The following BACH2 variants were observed in gnomAD, a reference collection of about 807,000 sequenced individuals.
BACH2 encodes transcription regulator protein BACH2.
BACH2 carries 5 observed loss-of-function variants against 61.8 expected under a neutral mutation model. That is an observed-to-expected ratio of 0.08 (90% CI 0.04 to 0.17). The LOEUF is 0.17. Ranked by LOEUF, BACH2 falls within the 10% of genes least tolerant of loss-of-function variation. BACH2 has a pLI of 1.00. For synonymous variants in BACH2, 446 were observed against 440.1 expected (o/e 1.01, Z -0.17); for missense variants, 824 against 1,091.1 (o/e 0.76, Z 3.45).
chr6:90,018,127 G>A (rs1369340387), intron 5 of BACH2, among the ~76,000 whole-genome samples: 3 of 152,204 alleles, frequency 2.0e-5, no homozygotes, highest in African/African-American at 4.8e-5. Flanking sequence ...GGTAGGAAAT[G>A]ATGTTATTCC....
chr6:90,242,804 C>G (rs1770496490), intron 3 of BACH2, among the ~76,000 whole-genome samples: 1 of 152,042 alleles, frequency 6.6e-6, no homozygotes, highest in South Asian at 2.1e-4. Context: ...CAGGTTCTAA[C>G]TAAACTTGAA....
chr6:90,062,929 A>T, intron 5 of BACH2: 1 of 985,392 alleles, frequency 1.0e-6, no homozygotes, highest in Non-Finnish European at 1.2e-6. Context: ...TGCTGATCTG[A>T]GAAGTCTCTT....
chr6:90,105,333 A>G (rs957883648), intron 4 of BACH2, among the ~76,000 whole-genome samples: 12 of 152,254 alleles, frequency 7.9e-5, no homozygotes, highest in Non-Finnish European at 1.6e-4. Flanking sequence ...GCTGCAGCCA[A>G]ATACATCAGG....
At chr6:90,138,944 G>A (rs1012963764) in intron 4 of BACH2, among the ~76,000 whole-genome samples, 1 of 152,116 alleles carries the variant, frequency 6.6e-6, no homozygotes, top group Non-Finnish European at 1.5e-5. Flanking sequence ...TTAAACCTGC[G>A]GGCCTCAAGT....
intron 4 of BACH2, among the ~76,000 whole-genome samples, chr6:90,201,426 T>C (rs1768952997): frequency 6.6e-6 from 1 of 152,228 alleles, no homozygotes; most frequent in Non-Finnish European, 1.5e-5. Flanking sequence ...CTTTGATTGC[T>C]GTTGAGGTTG....
intron 5 of BACH2, among the ~76,000 whole-genome samples, chr6:90,056,042 G>A (rs546433588): frequency 2.0e-5 from 3 of 152,266 alleles, no homozygotes; most frequent in African/African-American, 4.8e-5. Context: ...GACCATCAAG[G>A]CTAGGAAGAA....
intron 4 of BACH2, among the ~76,000 whole-genome samples, chr6:90,168,275 G>A (rs1767697107): frequency 6.6e-6 from 1 of 152,128 alleles, no homozygotes; most frequent in East Asian, 1.9e-4. Flanking sequence ...GACTGCTTGA[G>A]CCCAGGAGGC....
At position 90,073,627 on chromosome 6, in the gene BACH2, G is replaced by A. The variant is rs1000792693; in HGVS notation, c.-13+15334C>T. Among the ~76,000 whole-genome samples, 5 of 152,114 alleles carry A rather than the reference G, an allele frequency of 3.3e-5. No homozygotes were observed. In the South Asian group the frequency reaches 6.2e-4, roughly 19 times the overall value. On this transcript the variant is annotated intron_variant, in intron 5 of 8. Transcript: ENST00000257749. ...AGGTCACATTTCAAACATCAAAATC[G>A]GAACAATTTTAAGGTGCTGCCAGAC...
At chr6:90,178,181 T>G (rs1313465447) in intron 4 of BACH2, among the ~76,000 whole-genome samples, 1 of 152,212 alleles carries the variant, frequency 6.6e-6, no homozygotes, top group African/African-American at 2.4e-5. Context: ...ATGCAAAGTT[T>G]GCTGTGGCCT....
intron 5 of BACH2, among the ~76,000 whole-genome samples, chr6:90,013,222 C>T (rs546055571): frequency 2.0e-5 from 3 of 152,174 alleles, no homozygotes; most frequent in African/African-American, 7.2e-5. Flanking sequence ...GAATAAAGAT[C>T]TCTTACTTTT....
At chr6:90,267,593 T>C (rs1183578060) in intron 2 of BACH2, among the ~76,000 whole-genome samples, 1 of 152,124 alleles carries the variant, frequency 6.6e-6, no homozygotes, top group Non-Finnish European at 1.5e-5. Flanking sequence ...AGAATTTAAC[T>C]GCAGTGTTGT....
At chr6:90,268,134 G>A (rs980088101) in intron 2 of BACH2, among the ~76,000 whole-genome samples, 2 of 151,396 alleles carry the variant, frequency 1.3e-5, no homozygotes, top group South Asian at 2.1e-4. Flanking sequence ...TCAGCCTCCT[G>A]AGTAGCTGGG....
intron 5 of BACH2, among the ~76,000 whole-genome samples, chr6:90,019,918 C>T (rs908615330): frequency 2.0e-5 from 3 of 152,190 alleles, no homozygotes; most frequent in Admixed American, 1.3e-4. Context: ...TAGGCTGTGA[C>T]AGTCACATAA....
At chr6:90,171,855 T>G (rs1300557869) in intron 4 of BACH2, among the ~76,000 whole-genome samples, 2 of 152,078 alleles carry the variant, frequency 1.3e-5, no homozygotes, top group Non-Finnish European at 2.9e-5. Flanking sequence ...CAAAAATAAC[T>G]TCTAGAAATG....
At chr6:90,177,478 T>C (rs1768019432) in intron 4 of BACH2, among the ~76,000 whole-genome samples, 1 of 152,126 alleles carries the variant, frequency 6.6e-6, no homozygotes, top group Non-Finnish European at 1.5e-5. Flanking sequence ...GAAACTGAGA[T>C]TTAGGAGGTT....
Position 90,177,058 on chromosome 6 carries a change from C to A in BACH2, c.-162+29511G>T, listed in dbSNP as rs147664068. On this transcript the variant is annotated intron_variant, in intron 4 of 8. Coordinates refer to ENST00000257749, the MANE Select transcript of BACH2 (RefSeq NM_021813.4). ...ATTATTTCATGGGTCCAGGTATTAG[C>A]ACATTATGTACTCTTTTCTCCTTCT... Among the ~76,000 whole-genome samples, 37 of 152,232 alleles carry A rather than the reference C, an allele frequency of 2.4e-4. No individual in the cohort carries two copies. In the East Asian group the frequency reaches 7.1e-3, roughly 29 times the overall value.
intron 4 of BACH2, among the ~76,000 whole-genome samples, chr6:90,202,001 GA>G (rs1768971778): frequency 6.6e-6 from 1 of 152,154 alleles, no homozygotes; most frequent in Middle Eastern, 3.4e-3. Flanking sequence ...AGTTTAAAAT[GA>G]AAAAAGTGTT....
chr6:89,967,878 T>C (rs928529597), intron 6 of BACH2, among the ~76,000 whole-genome samples: 2 of 151,946 alleles, frequency 1.3e-5, no homozygotes, highest in Non-Finnish European at 2.9e-5. Flanking sequence ...GGCTGGAGAG[T>C]CTCTGAGTTA....
intron 6 of BACH2, among the ~76,000 whole-genome samples, chr6:90,007,385 T>G (rs1199900832): frequency 6.6e-6 from 1 of 152,120 alleles, no homozygotes; most frequent in Non-Finnish European, 1.5e-5. Context: ...CAGGCTTGTC[T>G]CGAACTGCTG....
Sources: allele counts gnomAD v4.1 joint callset (sites outside exome capture counted in the v4.1 genomes callset), GRCh38; gene constraint gnomAD v4.1.1; transcripts MANE v1.5; gene names NCBI Gene and HGNC (gene_info 2026-07-23, HGNC 2026-07-21).